PCDHGA5: variants seen among roughly 807,000 people sequenced by gnomAD.
PCDHGA5 encodes protocadherin gamma-A5.
Under a neutral mutation model 56.7 loss-of-function variants are expected in PCDHGA5, and 36 were observed. That is an observed-to-expected ratio of 0.64 (90% confidence interval 0.49 to 0.84). The LOEUF (loss-of-function observed/expected upper bound fraction) is 0.84, where lower values mean the gene tolerates loss of function less well. Among genes scored for constraint, PCDHGA5 ranks in the 40% least tolerant of loss-of-function variants. The pLI is 0.00. For synonymous variants in PCDHGA5, 563 were observed against 520.2 expected, an observed-to-expected ratio of 1.08 and a Z score of -1.12; for missense variants, 1,305 against 1,201.5, an observed-to-expected ratio of 1.09 and a Z score of -1.27.
chr5:141,394,536 G>A lies in PCDHGA5; in HGVS notation c.2421+27785G>A. The A allele has an allele frequency of 1.2e-6, 2 of 1,614,188 alleles. No individual in the cohort carries two copies. Among genetic ancestry groups the A allele is most frequent in the Middle Eastern group, 1.7e-4 (1 of 6,058 alleles). Reference sequence around the variant, plus strand: ...CCTCCCCACAGACGGTTCCACTGGCGTGGAGCTGGCGCCCCGCTCCGCAGA... The same window carrying A: ...CCTCCCCACAGACGGTTCCACTGGCATGGAGCTGGCGCCCCGCTCCGCAGA... On this transcript the variant is annotated intron_variant, in intron 1 of 3. Transcript: ENST00000518069.
chr5:141,395,559 T>TA (rs2093276349), intron 1 of PCDHGA5: 2 of 220,962 alleles, frequency 9.1e-6, no homozygotes, highest in Admixed American at 1.1e-4. Flanking sequence ...TGTGTGTGTG[T>TA]GTGTGTGTGT....
At position 141,490,124 on chromosome 5, in the gene PCDHGA5, T is replaced by C. The variant is rs1216088470; in HGVS notation, c.2422-4683T>C. On this transcript the variant is annotated intron_variant, in intron 1 of 3. Transcript: ENST00000518069. The surrounding 1 kb of genome is among the most constrained non-coding windows in gnomAD (Gnocchi z 5.4). ...GAGGCAGTGCGGAACCTCTTTGGCCTAGACCCTAGCAGTGGGGCAATCCAT... is the reference window on the plus strand; with the variant it reads ...GAGGCAGTGCGGAACCTCTTTGGCCCAGACCCTAGCAGTGGGGCAATCCAT... 6.2e-7 allele frequency: 1 copy of C among 1,614,144 alleles called. No individual in the cohort carries two copies. Among genetic ancestry groups the C allele is most frequent in the Non-Finnish European group, 8.5e-7 (1 of 1,180,054 alleles).
chr5:141,444,044 T>C (rs188266846), intron 1 of PCDHGA5, among the ~76,000 whole-genome samples: 1 of 152,098 alleles, frequency 6.6e-6, no homozygotes, highest in East Asian at 1.9e-4. Flanking sequence ...ATCAGATAAT[T>C]TGGCATCTTC....
At chr5:141,457,432 C>G (rs982456249) in intron 1 of PCDHGA5, among the ~76,000 whole-genome samples, 1 of 152,172 alleles carries the variant, frequency 6.6e-6, no homozygotes, top group Non-Finnish European at 1.5e-5. Context: ...TCCCCCCCAC[C>G]AAGCTGCAGA....
At chr5:141,394,717 G>A (rs1403492553) in intron 1 of PCDHGA5, 1 of 1,613,320 alleles carries the variant, frequency 6.2e-7, no homozygotes, top group East Asian at 2.2e-5. Flanking sequence ...CTGCTGGACA[G>A]AGATGCGCTC....
In PCDHGA5 at chr5:141,485,423, C is replaced by A; in HGVS notation, c.2422-9384C>A. On this transcript the variant is annotated intron_variant, in intron 1 of 3. Transcript: ENST00000518069. This position sits in a 1 kb window ranked among gnomAD's most constrained non-coding sequence, Gnocchi z 5.7. Reference sequence around the variant, plus strand: ...CCGTGTGGATTTGGACAGCGGAGCCCTGCTCATCAAGAACCCAATCGACCG... The same window carrying A: ...CCGTGTGGATTTGGACAGCGGAGCCATGCTCATCAAGAACCCAATCGACCG... 1 of 1,614,204 alleles carries A rather than the reference C, an allele frequency of 6.2e-7. No homozygotes were observed. The highest frequency in any genetic ancestry group is 8.5e-7 in the Non-Finnish European group (1 of 1,180,036).
chr5:141,500,367 C>A (rs953610460), intron 2 of PCDHGA5, among the ~76,000 whole-genome samples: 7 of 151,940 alleles, frequency 4.6e-5, no homozygotes, highest in African/African-American at 1.7e-4. Context: ...CACTACCACG[C>A]CCGGCTAATT....
chr5:141,453,067 C>A (rs1227122711), intron 1 of PCDHGA5, among the ~76,000 whole-genome samples: 1 of 152,024 alleles, frequency 6.6e-6, no homozygotes, highest in African/African-American at 2.4e-5. Context: ...AGAGTTTTGC[C>A]ACACTCTGGT....
At chr5:141,395,309 CATT>C in intron 1 of PCDHGA5, 1 of 1,506,030 alleles carries the variant, frequency 6.6e-7, no homozygotes, top group Non-Finnish European at 8.9e-7. Flanking sequence ...TTTTGAAAAA[CATT>C]GTGAAGATAG....
intron 1 of PCDHGA5, chr5:141,422,211 C>G: frequency 6.4e-7 from 1 of 1,563,286 alleles, no homozygotes; most frequent in Non-Finnish European, 8.6e-7. Context: ...GTGGAGGTCT[C>G]TTTACCACCA....
intron 1 of PCDHGA5, among the ~76,000 whole-genome samples, chr5:141,443,594 T>C (rs1040469046): frequency 1.3e-5 from 2 of 152,234 alleles, no homozygotes; most frequent in Non-Finnish European, 2.9e-5. Flanking sequence ...CAGAATGTGG[T>C]ATATGAAATG....
intron 1 of PCDHGA5, chr5:141,398,594 T>C: frequency 6.2e-7 from 1 of 1,614,028 alleles, no homozygotes; most frequent in African/African-American, 1.3e-5. Flanking sequence ...ATACTAGAAG[T>C]AGCAGAAGAT....
At chr5:141,371,090 C>T (rs764906419) in intron 1 of PCDHGA5, 1 of 1,613,820 alleles carries the variant, frequency 6.2e-7, no homozygotes, top group Admixed American at 1.7e-5. Flanking sequence ...GGGTAATTGT[C>T]GCAGATGCAA....
intron 1 of PCDHGA5, chr5:141,422,645 T>C: frequency 6.2e-7 from 1 of 1,612,232 alleles, no homozygotes; most frequent in Non-Finnish European, 8.5e-7. Flanking sequence ...GCCTCCATCT[T>C]CTCAGTGACC....
chr5:141,400,502 A>C, intron 1 of PCDHGA5: 1 of 1,614,020 alleles, frequency 6.2e-7, no homozygotes, highest in Non-Finnish European at 8.5e-7. Flanking sequence ...AATTCCAGCG[A>C]GTCGACTTCC....
chr5:141,395,115 C>T (rs1380601635), intron 1 of PCDHGA5: 1 of 1,614,192 alleles, frequency 6.2e-7, no homozygotes. Context: ...GAAGAGTCAC[C>T]TGATCTTTCC....
At chr5:141,369,020 A>G (rs1349066558) in intron 1 of PCDHGA5, among the ~76,000 whole-genome samples, 1 of 152,204 alleles carries the variant, frequency 6.6e-6, no homozygotes, top group African/African-American at 2.4e-5. Context: ...TTATTGCTGC[A>G]CACTTGCCTA....
chr5:141,384,366 T>C (rs573164893), intron 1 of PCDHGA5: 2 of 1,613,896 alleles, frequency 1.2e-6, no homozygotes, highest in Middle Eastern at 1.6e-4. Flanking sequence ...AGATCACTTA[T>C]TCCTTGGCCG....
intron 1 of PCDHGA5, among the ~76,000 whole-genome samples, chr5:141,449,708 A>G (rs2098652470): frequency 6.6e-6 from 1 of 151,418 alleles, no homozygotes; most frequent in African/African-American, 2.4e-5. Context: ...CAAACACATT[A>G]TTTTTATATG....
Sources: allele counts gnomAD v4.1 joint callset (sites outside exome capture counted in the v4.1 genomes callset), GRCh38; gene constraint gnomAD v4.1.1; non-coding constraint Gnocchi (gnomAD v3.1); transcripts MANE v1.5; gene names NCBI Gene and HGNC (gene_info 2026-07-23, HGNC 2026-07-21).